COL4A1: variants seen among roughly 807,000 people sequenced by gnomAD.
COL4A1 encodes collagen alpha-1(IV) chain.
COL4A1 carries 40 observed loss-of-function variants against 216.6 expected under a neutral mutation model. The ratio of observed to expected loss-of-function variants is 0.18; its 90% CI spans 0.14 to 0.24. The LOEUF (loss-of-function observed/expected upper bound fraction) is 0.24. COL4A1 is among the 10% of genes least tolerant of loss of function. The pLI is 1.00. For synonymous variants in COL4A1, 839 were observed against 810.7 expected (o/e 1.03, Z -0.59); for missense variants, 1,628 against 2,196.8 (o/e 0.74, Z 5.18).
rs886049961 is a variant in COL4A1, at chr13:110,182,986, G to C, written c.2095+7C>G. On this transcript the variant is annotated splice_region_variant and intron_variant, in intron 28 of 51. Coordinates refer to ENST00000375820, the MANE Select transcript of COL4A1 (RefSeq NM_001845.6). ...ACCAAAGGCTCGGGTCCGTCTGGCA[G>C]GGTTACCTTTGGGGCCGGGGGGCCC... The C allele has an allele frequency of 5.0e-6, 8 of 1,610,920 alleles. No homozygotes were observed. Among genetic ancestry groups the C allele is most frequent in the Non-Finnish European group, 6.8e-6 (8 of 1,179,100 alleles).
At chr13:110,235,732 G>T (rs1406050953) in intron 2 of COL4A1, among the ~76,000 whole-genome samples, 1 of 151,572 alleles carries the variant, frequency 6.6e-6, no homozygotes, top group Admixed American at 6.6e-5. Context: ...AATAATTACT[G>T]GAGATGCAAA....
intron 24 of COL4A1, among the ~76,000 whole-genome samples, chr13:110,188,799 A>C (rs1566360127): frequency 6.6e-6 from 1 of 152,144 alleles, no homozygotes; most frequent in Non-Finnish European, 1.5e-5. Context: ...TTCCTGCCTG[A>C]ATTGCTTCCT....
chr13:110,189,642 G>A (rs1878547442), intron 24 of COL4A1, among the ~76,000 whole-genome samples: 1 of 152,204 alleles, frequency 6.6e-6, no homozygotes, highest in African/African-American at 2.4e-5. Flanking sequence ...GAGAGTCATG[G>A]AAAATTTGTT....
intron 20 of COL4A1, 27 bp downstream of exon 20, chr13:110,200,827 T>G (rs201577365): frequency 7.4e-6 from 12 of 1,611,348 alleles, no homozygotes; most frequent in Middle Eastern, 3.3e-4. Flanking sequence ...GCAAGTATGC[T>G]ATAACAAATC....
At position 110,188,410 on chromosome 13, in the gene COL4A1, A is replaced by G. The variant is rs528210504; in HGVS notation, c.1537-1081T>C. On this transcript the variant is annotated intron_variant, in intron 24 of 51. Transcript: ENST00000375820. ...CATTTGCCCAATCTTTAGACTGAAA[A>G]TATGGCTAGCATTGGTTACCAGCCT... 4.6e-5 allele frequency among the ~76,000 whole-genome samples: 7 copies of G among 152,354 alleles called. No individual in the cohort carries two copies. In the South Asian group the frequency reaches 1.4e-3, roughly 32 times the overall value.
intron 1 of COL4A1, among the ~76,000 whole-genome samples, chr13:110,269,046 G>A (rs957655655): frequency 6.6e-6 from 1 of 152,198 alleles, no homozygotes; most frequent in African/African-American, 2.4e-5. Flanking sequence ...CGATGACCCG[G>A]AGCCACTTGG....
At chr13:110,275,651 C>T (rs1053698892) in intron 1 of COL4A1, among the ~76,000 whole-genome samples, 6 of 152,176 alleles carry the variant, frequency 3.9e-5, no homozygotes, top group Non-Finnish European at 7.3e-5. Context: ...GCAACCACCA[C>T]GTCTTTCACT....
intron 24 of COL4A1, among the ~76,000 whole-genome samples, chr13:110,188,422 T>A (rs938222584): frequency 6.6e-6 from 1 of 152,208 alleles, no homozygotes; most frequent in Non-Finnish European, 1.5e-5. Context: ...ATGGCTAGCA[T>A]TGGTTACCAG....
chr13:110,149,981 G>A lies in COL4A1; in HGVS notation c.*382C>T, dbSNP rs1263104272. On this transcript the variant is annotated 3_prime_UTR_variant, in exon 52 of 52. Transcript: ENST00000375820. Reference sequence around the variant, plus strand: ...TGATATAAACAAACATTTATCTCTGGGGGTAGAAAATTAATTATAATACAA... The same window carrying A: ...TGATATAAACAAACATTTATCTCTGAGGGTAGAAAATTAATTATAATACAA... 2 of 333,850 alleles carry A rather than the reference G, an allele frequency of 6.0e-6. No individual in the cohort carries two copies. The highest frequency in any genetic ancestry group is 1.2e-5 in the Non-Finnish European group (2 of 170,936). The allele number at this position is 333,850 out of a possible 1,614,324, so 20.7% of individuals were successfully genotyped here.
At chr13:110,161,452 A>G (rs1877083964) in intron 48 of COL4A1, 83 bp from the exon 49 acceptor site, 1 of 1,396,912 alleles carries the variant, frequency 7.2e-7, no homozygotes, top group African/African-American at 1.4e-5. Context: ...CAGCTGGACA[A>G]CAAGCAAAAA....
rs1879795219 is a variant in COL4A1 at position 110,211,543 on chromosome 13, A to G, written c.468+104T>C. ...AGTTTAGGGAAGTGTGTTCAGAAAC[A>G]ATCGATCAGCCAAAGTGGTTTAAAG... is the stretch of plus-strand genomic sequence containing the variant. On this transcript the variant is annotated intron_variant, in intron 8 of 51. Transcript: ENST00000375820. The surrounding 1 kb of genome is among the most constrained non-coding windows in gnomAD (Gnocchi z 4.3). 9.0e-7 allele frequency: 1 copy of G among 1,113,424 alleles called. No homozygotes were observed. The highest frequency in any genetic ancestry group is 1.6e-5 in the African/African-American group (1 of 63,712). 69.0% of individuals were successfully genotyped at this position (1,113,424 alleles called of 1,614,324 possible).
chr13:110,212,276 T>C (rs1383682639), intron 6 of COL4A1, 141 bp downstream of exon 6: 4 of 1,014,600 alleles, frequency 3.9e-6, no homozygotes, highest in Non-Finnish European at 4.6e-6. Context: ...ATTTCCTTAC[T>C]AAATAAAGCA....
intron 2 of COL4A1, among the ~76,000 whole-genome samples, chr13:110,231,177 A>G (rs775741433): frequency 6.6e-6 from 1 of 152,234 alleles, no homozygotes. Context: ...TGCCCAGGAC[A>G]TATCGATGAG....
At chr13:110,227,387 GACACACACAC>G (rs373355054) in intron 2 of COL4A1, among the ~76,000 whole-genome samples, 62 of 138,774 alleles carry the variant, frequency 4.5e-4, no homozygotes, top group African/African-American at 1.2e-3. Context: ...GGGTACGGTA[GACACACACAC>G]ACACACACAC....
At chr13:110,305,216 A>C (rs1884636188) in intron 1 of COL4A1, among the ~76,000 whole-genome samples, 3 of 152,228 alleles carry the variant, frequency 2.0e-5, no homozygotes, top group Non-Finnish European at 4.4e-5. Context: ...GCATCTCTTA[A>C]AAACAGTCCA....
Position 110,207,477 on chromosome 13 carries a change from C to T in COL4A1, c.706G>A (p.Val236Ile), listed in dbSNP as rs1424158379. The T allele has an allele frequency of 6.2e-7, 1 of 1,614,028 alleles. No homozygotes were observed. The highest frequency in any genetic ancestry group is 1.7e-5 in the Admixed American group (1 of 60,018). ...CCTGGTACTCCTGGAGGCCCACTGA[C>T]CCCTTGGTCACCCTGTCGACATAAA... Reference protein sequence around the residue: ...GPKGDKGDQGVSGPPGVPGQA... With the variant: ...GPKGDKGDQGISGPPGVPGQA... The change falls in exon 13 of 52, where the codon GTC becomes ATC. Residue 236 changes from valine to isoleucine, a missense_variant. Physicochemically the swap from Val to Ile is conservative, Grantham distance 29 (BLOSUM62 3). Coordinates refer to ENST00000375820, the MANE Select transcript of COL4A1 (RefSeq NM_001845.6). This position sits in a 1 kb window ranked among gnomAD's most constrained non-coding sequence, Gnocchi z 4.4.
chr13:110,301,564 T>C (rs1884494130), intron 1 of COL4A1, among the ~76,000 whole-genome samples: 1 of 152,182 alleles, frequency 6.6e-6, no homozygotes, highest in Admixed American at 6.5e-5. Flanking sequence ...GAGCAAGAAT[T>C]GCAATTTAGG....
At chr13:110,219,685 T>TAC (rs1880294785) in intron 2 of COL4A1, among the ~76,000 whole-genome samples, 3 of 136,816 alleles carry the variant, frequency 2.2e-5, no homozygotes, top group Non-Finnish European at 3.0e-5. Context: ...TATGTGTATA[T>TAC]ATATGTATAT....
intron 13 of COL4A1, 90 bp from the exon 14 acceptor site, chr13:110,206,981 A>AAAAAAAGT: frequency 8.1e-7 from 1 of 1,240,384 alleles, no homozygotes; most frequent in Non-Finnish European, 1.2e-6. Context: ...AAAAAAAAAA[A>AAAAAAAGT]CCTTTTTCTG....
Sources: gnomAD v4.1 joint callset for allele counts (sites outside exome capture counted in the v4.1 genomes callset) on GRCh38, gnomAD v4.1.1 for gene constraint, Gnocchi (gnomAD v3.1) non-coding constraint, MANE v1.5 for transcripts, NCBI Gene and HGNC (gene_info 2026-07-23, HGNC 2026-07-21) for gene names.